The following INPP4A variants were observed in gnomAD, a reference collection of about 807,000 sequenced individuals.
INPP4A encodes the protein inositol polyphosphate-4-phosphatase type I A.
INPP4A carries 33 observed loss-of-function variants against 119.8 expected under a neutral mutation model. That is an observed-to-expected ratio of 0.28 (90% CI 0.21 to 0.37). The LOEUF (loss-of-function observed/expected upper bound fraction) is 0.37, where lower values mean the gene tolerates loss of function less well. INPP4A is among the 10% of genes least tolerant of loss of function. INPP4A has a pLI of 1.00. For synonymous variants in INPP4A, 496 were observed against 500.7 expected, an observed-to-expected ratio of 0.99 and a Z score of 0.12; for missense variants, 956 against 1,289.9, an observed-to-expected ratio of 0.74 and a Z score of 3.97.
chr2:98,446,066 C>T (rs1481167452), intron 1 of INPP4A, among the ~76,000 whole-genome samples: 2 of 152,186 alleles, frequency 1.3e-5, no homozygotes, highest in African/African-American at 2.4e-5. Context: ...CATGGGGAAG[C>T]CAGTGGGGTT....
intron 1 of INPP4A, among the ~76,000 whole-genome samples, chr2:98,454,635 C>T (rs529718213): frequency 2.2e-4 from 34 of 152,000 alleles, no homozygotes; most frequent in African/African-American, 8.0e-4. Context: ...CACATGTGCT[C>T]AAAGGGCTGG....
intron 13 of INPP4A, among the ~76,000 whole-genome samples, chr2:98,551,484 G>A (rs1318842331): frequency 1.3e-5 from 2 of 152,076 alleles, no homozygotes; most frequent in Admixed American, 6.5e-5. Flanking sequence ...GTTTCTTTCC[G>A]GGGTGCTTTG....
chr2:98,532,837 A>G (rs1689493054), intron 4 of INPP4A, among the ~76,000 whole-genome samples: 1 of 152,206 alleles, frequency 6.6e-6, no homozygotes, highest in South Asian at 2.1e-4. Context: ...TTGACTGTAA[A>G]TGAACAATGG....
At chr2:98,483,846 C>T (rs1678997323) in intron 1 of INPP4A, among the ~76,000 whole-genome samples, 1 of 152,160 alleles carries the variant, frequency 6.6e-6, no homozygotes, top group South Asian at 2.1e-4. Flanking sequence ...AGATGGACTG[C>T]ATCTGTAGTC....
At chr2:98,484,508 G>A (rs967828360) in intron 1 of INPP4A, among the ~76,000 whole-genome samples, 2 of 152,140 alleles carry the variant, frequency 1.3e-5, no homozygotes, top group African/African-American at 4.8e-5. Flanking sequence ...TGAGGGATTC[G>A]AGGCAGCCTG....
Position 98,520,170 on chromosome 2 carries a change from C to T in INPP4A, c.106+16C>T. The T allele has an allele frequency of 6.5e-7, 1 of 1,544,234 alleles. No individual in the cohort carries two copies. Among genetic ancestry groups the T allele is most frequent in the Non-Finnish European group, 8.8e-7 (1 of 1,139,874 alleles). On this transcript the variant is annotated intron_variant, in intron 3 of 24. Transcript: ENST00000409851. ...TCTCTGGCAGGTGAGCCTCACAGGG[C>T]CTGCACCGGGCTCCAGGTATGAGCT...
rs1030691661 is a variant in INPP4A at position 98,591,590 on chromosome 2, A to G, written c.*3982A>G. ...GAGCTTCTTCCTGCCCTCCCTCCGC[A>G]TGCCATTCTGGTGCTGCGCTTCAGT... On this transcript the variant is annotated 3_prime_UTR_variant, in exon 25 of 25. Coordinates refer to ENST00000409851, the MANE Select transcript of INPP4A (RefSeq NM_001134225.2). 1 of 152,176 alleles carries G rather than the reference A, an allele frequency of 6.6e-6. No individual in the cohort carries two copies. Among genetic ancestry groups the G allele is most frequent in the Non-Finnish European group, 1.5e-5 (1 of 68,058 alleles). 9.4% of individuals were successfully genotyped at this position (152,176 alleles called of 1,614,324 possible). A position where few individuals can be genotyped will look rare whatever the true frequency, so the allele number is the denominator to read the frequency against.
intron 1 of INPP4A, among the ~76,000 whole-genome samples, chr2:98,458,250 A>G (rs1696502545): frequency 6.6e-6 from 1 of 152,150 alleles, no homozygotes; most frequent in South Asian, 2.1e-4. Context: ...AGGCTGAGGC[A>G]GGAGGATAGC....
chr2:98,543,898 G>C lies in INPP4A; in HGVS notation c.840G>C (p.Leu280=), dbSNP rs2230387. Residue 280 remains leucine, a synonymous_variant, in exon 11 of 25, where the codon CTG becomes CTC. Transcript: ENST00000409851. The part of the protein sequence containing the change: ...DAARVCELEE[L]GELSPCWESL... ...TCAGAGTGTGTGAGCTGGAGGAGCT[G>C]GGAGAGCTGTCCCCTTGCTGGGAGA... 38,632 of 1,612,998 alleles carry C rather than the reference G, an allele frequency of 0.024. 572 individuals are homozygous for C. The highest frequency in any genetic ancestry group is 0.028 in the Non-Finnish European group (32,739 of 1,179,440).
At chr2:98,555,882 G>A in intron 16 of INPP4A, 74 bp downstream of exon 16, 2 of 1,476,604 alleles carry the variant, frequency 1.4e-6, no homozygotes, top group Admixed American at 2.0e-5. Context: ...CTGTGTCTCT[G>A]ACTCCATGCC....
intron 1 of INPP4A, among the ~76,000 whole-genome samples, chr2:98,467,614 T>A (rs768138620): frequency 1.3e-5 from 2 of 152,246 alleles, no homozygotes; most frequent in African/African-American, 4.8e-5. Flanking sequence ...ATTTAACTTC[T>A]GTGTTCTTGA....
At chr2:98,540,790 A>C (rs1691281709) in intron 10 of INPP4A, among the ~76,000 whole-genome samples, 1 of 152,242 alleles carries the variant, frequency 6.6e-6, no homozygotes, top group Non-Finnish European at 1.5e-5. Flanking sequence ...CAGAGCCCTC[A>C]TGACCTCGTC....
chr2:98,500,804 G>A (rs945257790), intron 1 of INPP4A, among the ~76,000 whole-genome samples: 3 of 152,180 alleles, frequency 2.0e-5, no homozygotes, highest in Admixed American at 6.5e-5. Context: ...GGCTCAGCAG[G>A]GTTCTTTGCT....
chr2:98,463,802 T>C (rs772189806), intron 1 of INPP4A, among the ~76,000 whole-genome samples: 58 of 152,278 alleles, frequency 3.8e-4, no homozygotes, highest in Admixed American at 2.2e-3. Context: ...GAAGGTCTGG[T>C]AGGTGTGAGC....
intron 16 of INPP4A, 121 bp downstream of exon 16, chr2:98,555,929 G>A (rs1372654072): frequency 1.0e-5 from 13 of 1,258,608 alleles, no homozygotes; most frequent in Non-Finnish European, 1.3e-5. Flanking sequence ...GGGCTGCCAG[G>A]TGGAGCGGGG....
intron 1 of INPP4A, among the ~76,000 whole-genome samples, chr2:98,450,858 G>A (rs772227871): frequency 9.2e-5 from 14 of 152,122 alleles, no homozygotes; most frequent in Admixed American, 2.6e-4. Context: ...TGCAACCTCC[G>A]CCCCCTGGGT....
intron 4 of INPP4A, among the ~76,000 whole-genome samples, chr2:98,522,802 G>A (rs973390833): frequency 2.0e-5 from 3 of 151,978 alleles, no homozygotes; most frequent in Non-Finnish European, 4.4e-5. Flanking sequence ...CCAAGGATCA[G>A]GAATAAAACT....
rs61748143 is a variant in INPP4A at position 98,563,508 on chromosome 2, C to A, written c.1899C>A (p.Thr633=). 2 of 1,613,618 alleles carry A rather than the reference C, an allele frequency of 1.2e-6. No individual in the cohort carries two copies. Among genetic ancestry groups the A allele is most frequent in the Non-Finnish European group, 1.7e-6 (2 of 1,179,726 alleles). Residue 633 remains threonine, a synonymous_variant, in exon 18 of 25, where the codon ACC becomes ACA. Coordinates refer to ENST00000409851, the MANE Select transcript of INPP4A (RefSeq NM_001134225.2). ...TTTACCCGCTGCTGACCACTCTCAC[C>A]GACTGCGTGGCCATGATGAGTGACA... The part of the protein sequence containing the change: ...EALYPLLTTL[T]DCVAMMSDKA...
Position 98,533,301 on chromosome 2 carries a change from TGAATGTGTTTG to T in INPP4A, c.152-72_152-62del. Reference sequence around the variant, plus strand: ...TGTCATTTACTCTTTGTGCTTTCTTTGAATGTGTTTGGAACAGAAAACTAATCAGAGTCTGG... The same window carrying T: ...TGTCATTTACTCTTTGTGCTTTCTTTGAACAGAAAACTAATCAGAGTCTGG... On this transcript the variant is annotated intron_variant, in intron 4 of 24. Transcript: ENST00000409851. The T allele has an allele frequency of 8.1e-6, 7 of 865,374 alleles. No homozygotes were observed. In the South Asian group the frequency reaches 9.7e-5, roughly 12 times the overall value. The allele number at this position is 865,374 out of a possible 1,614,324, so 53.6% of individuals were successfully genotyped here.
Sources: gnomAD v4.1 joint callset for allele counts (sites outside exome capture counted in the v4.1 genomes callset) on GRCh38, gnomAD v4.1.1 for gene constraint, MANE v1.5 for transcripts, NCBI Gene and HGNC (gene_info 2026-07-23, HGNC 2026-07-21) for gene names.